Variants in TBC1D4 observed in about 807,000 individuals in gnomAD.
TBC1D4 encodes TBC (Tre-2, BUB2, CDC16) domain-containing protein.
TBC1D4 carries 121 observed loss-of-function variants against 142.5 expected under a neutral mutation model. The observed-to-expected ratio is 0.85, with a 90% confidence interval of 0.73 to 0.99. The LOEUF is 0.99. TBC1D4 is among the 50% of genes least tolerant of loss of function. The pLI is 0.00. For synonymous variants in TBC1D4, 630 were observed against 628.2 expected, an observed-to-expected ratio of 1.00 and a Z score of -0.04; for missense variants, 1,475 against 1,606.6, an observed-to-expected ratio of 0.92 and a Z score of 1.40.
rs542998107 is a variant in TBC1D4, at chr13:75,392,686, A to C, written c.499-30079T>G. 5.1e-4 allele frequency among the ~76,000 whole-genome samples: 76 copies of C among 148,312 alleles called. 2 individuals carry two copies. The highest frequency in any genetic ancestry group is 5.1e-3 in the Admixed American group (74 of 14,512). On this transcript the variant is annotated intron_variant, in intron 1 of 20. Coordinates refer to ENST00000377636, the MANE Select transcript of TBC1D4 (RefSeq NM_014832.5). ...AGTCTCTCTCTGTTCCCCCAGCTGG[A>C]GTGCAGTGGCAGAATCACAGCTCAC...
At chr13:75,457,923 G>A (rs927946371) in intron 1 of TBC1D4, among the ~76,000 whole-genome samples, 1 of 152,202 alleles carries the variant, frequency 6.6e-6, no homozygotes, top group African/African-American at 2.4e-5. Context: ...GGAATGGGGA[G>A]CATGCAGATG....
At chr13:75,342,506 T>C (rs969201667) in intron 5 of TBC1D4, among the ~76,000 whole-genome samples, 4 of 152,204 alleles carry the variant, frequency 2.6e-5, no homozygotes, top group African/African-American at 9.7e-5. Context: ...CATTAGTATT[T>C]AGTGAACTTT....
chr13:75,448,278 T>C (rs1887379051), intron 1 of TBC1D4, among the ~76,000 whole-genome samples: 1 of 152,118 alleles, frequency 6.6e-6, no homozygotes, highest in African/African-American at 2.4e-5. Flanking sequence ...GTTTTTACAT[T>C]GCATTTATGT....
At chr13:75,480,607 T>A (rs540708930) in intron 1 of TBC1D4, among the ~76,000 whole-genome samples, 4 of 152,286 alleles carry the variant, frequency 2.6e-5, no homozygotes, top group African/African-American at 9.6e-5. Context: ...CTGCCTCCAA[T>A]AAGTGTGTTT....
intron 1 of TBC1D4, among the ~76,000 whole-genome samples, chr13:75,425,214 A>G (rs545904557): frequency 6.6e-6 from 1 of 152,308 alleles, no homozygotes; most frequent in African/African-American, 2.4e-5. Flanking sequence ...AGACATACAA[A>G]TGGTCAATAG....
At chr13:75,377,591 C>T (rs562928161) in intron 1 of TBC1D4, among the ~76,000 whole-genome samples, 39 of 151,574 alleles carry the variant, frequency 2.6e-4, no homozygotes, top group Admixed American at 1.4e-3. Context: ...ACAAGACATT[C>T]GGTTACTCTA....
At chr13:75,417,959 G>T (rs541672617) in intron 1 of TBC1D4, among the ~76,000 whole-genome samples, 2 of 152,242 alleles carry the variant, frequency 1.3e-5, no homozygotes, top group African/African-American at 4.8e-5. Flanking sequence ...CCACCATAGG[G>T]TTGTTATTAA....
intron 1 of TBC1D4, among the ~76,000 whole-genome samples, chr13:75,371,409 C>A (rs886188684): frequency 2.6e-5 from 4 of 152,152 alleles, no homozygotes; most frequent in African/African-American, 9.7e-5. Context: ...TTGAACTGAA[C>A]TGGCAGTTTG....
chr13:75,437,591 ATTATAAACTTTTTTTTTTT>A (rs1886850853), intron 1 of TBC1D4, among the ~76,000 whole-genome samples: 1 of 139,956 alleles, frequency 7.1e-6, no homozygotes, highest in African/African-American at 2.9e-5. Context: ...TGCTATTCTC[ATTATAAACTTTTTTTTTTT>A]TTAGAGAATG....
intron 16 of TBC1D4, among the ~76,000 whole-genome samples, chr13:75,299,854 T>C (rs368634976): frequency 7.0e-5 from 9 of 129,440 alleles, no homozygotes; most frequent in African/African-American, 2.3e-4. Flanking sequence ...AAAAATACAA[T>C]AAAAATCCAC....
Position 75,427,431 on chromosome 13 carries a change from G to A in TBC1D4, c.498+53839C>T, listed in dbSNP as rs142201917. ...TGGCTTATGCCTGTAATCTCAGCCT[G>A]TGGGAGGTCAAAGCGGGAGGATCAC... is the stretch of plus-strand genomic sequence containing the variant. On this transcript the variant is annotated intron_variant, in intron 1 of 20. Transcript: ENST00000377636. Among the ~76,000 whole-genome samples, 4 of 152,288 alleles carry A rather than the reference G, an allele frequency of 2.6e-5. No homozygotes were observed. The East Asian group carries it at 7.7e-4, about 29-fold the overall frequency.
chr13:75,404,176 G>A (rs1885226954), intron 1 of TBC1D4, among the ~76,000 whole-genome samples: 1 of 152,002 alleles, frequency 6.6e-6, no homozygotes, highest in African/African-American at 2.4e-5. Flanking sequence ...TAAAAAGATG[G>A]CGCAGTAAGA....
chr13:75,447,500 A>ATGTGTGTG (rs35775136), intron 1 of TBC1D4, among the ~76,000 whole-genome samples: 1,656 of 145,318 alleles, frequency 0.011, 9 homozygotes, highest in Middle Eastern at 0.028. Context: ...CATAGTGTGA[A>ATGTGTGTG]TGTGTGTGTG....
intron 1 of TBC1D4, chr13:75,375,500 A>G (rs551040444): frequency 1.3e-5 from 2 of 152,320 alleles, no homozygotes; most frequent in East Asian, 3.9e-4. Context: ...GAAACCCAAA[A>G]TAGCAATTGA....
chr13:75,411,378 A>G (rs986452581), intron 1 of TBC1D4, among the ~76,000 whole-genome samples: 1 of 152,320 alleles, frequency 6.6e-6, no homozygotes, highest in Admixed American at 6.5e-5. Context: ...TCTCAAACCC[A>G]CAAACATTTG....
chr13:75,302,652 T>C, intron 15 of TBC1D4: 1 of 542,188 alleles, frequency 1.8e-6, no homozygotes, highest in Non-Finnish European at 3.3e-6. Flanking sequence ...CACCCGTTGC[T>C]GACTGAGCAT....
intron 1 of TBC1D4, among the ~76,000 whole-genome samples, chr13:75,443,611 C>T (rs968062667): frequency 2.0e-5 from 3 of 152,232 alleles, no homozygotes; most frequent in Non-Finnish European, 2.9e-5. Flanking sequence ...GTCTCTACAT[C>T]CGTGATTCTC....
chr13:75,326,524 C>G, intron 9 of TBC1D4, 101 bp from the exon 10 acceptor site: 1 of 1,254,812 alleles, frequency 8.0e-7, no homozygotes, highest in Non-Finnish European at 1.2e-6. Context: ...CATCTTCCTC[C>G]TGAGTCATGA....
chr13:75,341,474 T>C (rs1880694311), intron 6 of TBC1D4, 22 bp downstream of exon 6: 1 of 1,606,742 alleles, frequency 6.2e-7, no homozygotes, highest in Non-Finnish European at 8.5e-7. Context: ...GTCTTATTTA[T>C]GAGACCTACA....
Sources: allele counts gnomAD v4.1 joint callset (sites outside exome capture counted in the v4.1 genomes callset), GRCh38; gene constraint gnomAD v4.1.1; transcripts MANE v1.5; gene names NCBI Gene and HGNC (gene_info 2026-07-23, HGNC 2026-07-21).